Variants in ABCA3 observed in about 807,000 individuals in gnomAD.
The protein encoded by ABCA3 is ATP binding cassette subfamily A member 3, also known as phospholipid-transporting ATPase ABCA3.
A neutral mutation model predicts 172.8 loss-of-function variants in ABCA3; 88 were observed. The ratio of observed to expected loss-of-function variants is 0.51; its 90% CI spans 0.43 to 0.61. The LOEUF (loss-of-function observed/expected upper bound fraction) is 0.61. Ranked by LOEUF, ABCA3 falls within the 20% of genes least tolerant of loss-of-function variation. The pLI is 0.00. For missense variants in ABCA3, 2,164 were observed against 2,301.0 expected (o/e 0.94, Z 1.22); for synonymous variants, 1,066 against 983.8 (o/e 1.08, Z -1.56).
intron 32 of ABCA3, among the ~76,000 whole-genome samples, 162 bp from the exon 33 acceptor site, chr16:2,276,967 G>A (rs367818657): frequency 1.3e-5 from 2 of 152,186 alleles, no homozygotes; most frequent in African/African-American, 4.8e-5. Flanking sequence ...CGACGGCACC[G>A]TGCTCCCAGG....
chr16:2,331,285 A>G (rs538160317), intron 1 of ABCA3, among the ~76,000 whole-genome samples: 1 of 151,572 alleles, frequency 6.6e-6, no homozygotes, highest in Non-Finnish European at 1.5e-5. Context: ...GCTCACAACA[A>G]CCTCCACCTC....
Position 2,297,598 on chromosome 16 carries a change from G to C in ABCA3, c.2053-59C>G. On this transcript the variant is annotated intron_variant, in intron 16 of 32. Coordinates refer to ENST00000301732, the MANE Select transcript of ABCA3 (RefSeq NM_001089.3). The surrounding 1 kb of genome is among the most constrained non-coding windows in gnomAD (Gnocchi z 5.6). ...AGAGCCACACCCCGGGCCCAGGCTG[G>C]CCTTGCGGTAGGCCCCATCGAGGGG... 1.2e-6 allele frequency: 2 copies of C among 1,602,474 alleles called. No individual in the cohort carries two copies. Among genetic ancestry groups the C allele is most frequent in the Non-Finnish European group, 1.7e-6 (2 of 1,175,446 alleles).
rs45498101 is a variant in ABCA3 at position 2,328,757 on chromosome 16, G to C, written c.-331C>G. On this transcript the variant is annotated splice_region_variant and 5_prime_UTR_variant, in exon 3 of 33. Coordinates refer to ENST00000301732, the MANE Select transcript of ABCA3 (RefSeq NM_001089.3). The stretch of plus-strand genomic sequence containing the variant: ...TCAGTTGCTCAGCTCCACACTCATG[G>C]CTGATCCAAACCCAACATCATCCAT... The C allele has an allele frequency of 2.6e-3, 764 of 298,074 alleles. 5 individuals are homozygous for C. The highest frequency in any genetic ancestry group is 0.015 in the African/African-American group (717 of 46,290). The allele number at this position is 298,074 out of a possible 1,614,324, so 18.5% of individuals were successfully genotyped here. A position where few individuals can be genotyped will look rare whatever the true frequency, so the allele number is the denominator to read the frequency against.
chr16:2,340,132 G>A (rs1047489927), intron 1 of ABCA3, among the ~76,000 whole-genome samples: 2 of 152,244 alleles, frequency 1.3e-5, no homozygotes, highest in South Asian at 2.1e-4. Flanking sequence ...CATCCCTGCG[G>A]CCGGAAAGCG....
At chr16:2,276,919 C>T (rs2093647346) in intron 32 of ABCA3, 114 bp from the exon 33 acceptor site, 5 of 1,437,104 alleles carry the variant, frequency 3.5e-6, no homozygotes, top group East Asian at 4.7e-5. Context: ...CCTACCCCTG[C>T]CCAGCGCCAC....
At chr16:2,299,974 C>G in intron 13 of ABCA3, 31 bp downstream of exon 13, 2 of 1,610,750 alleles carry the variant, frequency 1.2e-6, no homozygotes, top group African/African-American at 2.7e-5. Flanking sequence ...CTGGCAGCCC[C>G]GGCCCTCCCT....
rs759911673 is a variant in ABCA3, at chr16:2,286,882, T to G, written c.3090A>C (p.Arg1030Ser). Residue 1030 changes from arginine (R) to serine (S), a missense_variant, in exon 22 of 33, where the codon AGA becomes AGC. Arg to Ser is a moderately radical substitution (Grantham distance 110, BLOSUM62 -1). Coordinates refer to ENST00000301732, the MANE Select transcript of ABCA3 (RefSeq NM_001089.3). The surrounding 1 kb of genome is among the most constrained non-coding windows in gnomAD (Gnocchi z 5.2). ...TGACGACCGTGCGCTCTCCCACATC[T>G]CTGAAGGACGCTGCCACAAGGCACC... ...NERCLVAASF[R>S]DVGERTVVNA... 5.0e-6 allele frequency: 8 copies of G among 1,613,920 alleles called. No homozygotes were observed. Among genetic ancestry groups the G allele is most frequent in the Non-Finnish European group, 6.8e-6 (8 of 1,179,988 alleles).
chr16:2,277,523 A>C lies in ABCA3; in HGVS notation c.4983+74T>G. On this transcript the variant is annotated intron_variant, in intron 32 of 32. Transcript: ENST00000301732. This position sits in a 1 kb window ranked among gnomAD's most constrained non-coding sequence, Gnocchi z 5.3. Reference sequence around the variant, plus strand: ...TCTGTGGAAAGAGCCTGCAGTCACCACAGAGGGAGAGACCCCTGGAGGGAC... The same window carrying C: ...TCTGTGGAAAGAGCCTGCAGTCACCCCAGAGGGAGAGACCCCTGGAGGGAC... The C allele has an allele frequency of 6.7e-7, 1 of 1,494,038 alleles. No individual in the cohort carries two copies. Among genetic ancestry groups the C allele is most frequent in the Non-Finnish European group, 9.3e-7 (1 of 1,080,080 alleles). 92.5% of individuals were successfully genotyped at this position (1,494,038 alleles called of 1,614,324 possible).
chr16:2,283,421 C>T lies in ABCA3; in HGVS notation c.3863-63G>A. The T allele has an allele frequency of 1.3e-6, 2 of 1,573,562 alleles. No individual in the cohort carries two copies. The highest frequency in any genetic ancestry group is 8.7e-7 in the Non-Finnish European group (1 of 1,153,374). ...GGCACCCTCCTCCCCTTCCAGGTTC[C>T]CGGCCCCCACTCCCCTCCCCAGGCT... On this transcript the variant is annotated intron_variant, in intron 25 of 32. Coordinates refer to ENST00000301732, the MANE Select transcript of ABCA3 (RefSeq NM_001089.3). The surrounding 1 kb of genome is among the most constrained non-coding windows in gnomAD (Gnocchi z 5.4).
Position 2,297,692 on chromosome 16 carries a change from C to A in ABCA3, c.2052+74G>T. 6.3e-7 allele frequency: 1 copy of A among 1,599,368 alleles called. No individual in the cohort carries two copies. The highest frequency in any genetic ancestry group is 2.2e-5 in the East Asian group (1 of 44,788). The stretch of plus-strand genomic sequence containing the variant: ...GTCTGGGGTGTCAAGGGCCAAGGTG[C>A]CCGGGCCATGGCGGAAGGGCCATCC... On this transcript the variant is annotated intron_variant, in intron 16 of 32. Transcript: ENST00000301732. The surrounding 1 kb of genome is among the most constrained non-coding windows in gnomAD (Gnocchi z 5.6).
Position 2,281,054 on chromosome 16 carries a change from AC to A in ABCA3, c.4331del (p.Gly1444ValfsTer28). On this transcript the variant is annotated frameshift_variant, in exon 28 of 33. Coordinates refer to ENST00000301732, the MANE Select transcript of ABCA3 (RefSeq NM_001089.3). LOFTEE classifies it high-confidence loss of function. This position sits in a 1 kb window ranked among gnomAD's most constrained non-coding sequence, Gnocchi z 4.7. ...TTCCGACATCAGAGCTGATTCTGTG[AC>A]CCCCGACAAAGGCATCCCCAGAAGT... ...SLTSGDAFVG[G>X]HRISSDVGKV... 6.2e-7 allele frequency: 1 copy of A among 1,613,200 alleles called. No homozygotes were observed. The highest frequency in any genetic ancestry group is 8.5e-7 in the Non-Finnish European group (1 of 1,179,842).
chr16:2,323,847 G>A (rs2093730029), intron 6 of ABCA3, among the ~76,000 whole-genome samples, 159 bp from the exon 7 acceptor site: 1 of 152,150 alleles, frequency 6.6e-6, no homozygotes, highest in African/African-American at 2.4e-5. Flanking sequence ...GTCACACTGA[G>A]TGGTCCCTGT....
At chr16:2,307,845 TCCA>T (rs1414232618) in intron 11 of ABCA3, among the ~76,000 whole-genome samples, 2 of 152,130 alleles carry the variant, frequency 1.3e-5, no homozygotes, top group African/African-American at 4.8e-5. Context: ...GACCTCGTGA[TCCA>T]CCGGCCTCAG....
At chr16:2,325,865 A>T in intron 5 of ABCA3, 145 bp downstream of exon 5, 1 of 1,097,676 alleles carries the variant, frequency 9.1e-7, no homozygotes, top group Non-Finnish European at 1.3e-6. Flanking sequence ...AGGTTGAAGT[A>T]GTGATGCGGG....
Position 2,292,148 on chromosome 16 carries a change from G to A in ABCA3, c.2505C>T (p.Val835=). The part of the protein sequence containing the change: ...FGASITTMEE[V]FLRVGKLVDS... ...AATGCGCATTTACTGACCGAAGGAAGACTTCCTCCATGGTGGTGATGGATG... is the reference window on the plus strand; with the variant it reads ...AATGCGCATTTACTGACCGAAGGAAAACTTCCTCCATGGTGGTGATGGATG... The change falls in exon 19 of 33, where the codon GTC becomes GTT. Residue 835 remains valine, a synonymous_variant. Transcript: ENST00000301732. 6.2e-7 allele frequency: 1 copy of A among 1,613,150 alleles called. No homozygotes were observed. The highest frequency in any genetic ancestry group is 8.5e-7 in the Non-Finnish European group (1 of 1,179,248).
chr16:2,279,068 C>T lies in ABCA3; in HGVS notation c.4422G>A (p.Arg1474=). 6 of 1,613,202 alleles carry T rather than the reference C, an allele frequency of 3.7e-6. No homozygotes were observed. The highest frequency in any genetic ancestry group is 5.1e-6 in the Non-Finnish European group (6 of 1,180,044). Residue 1474 remains arginine, a synonymous_variant, in exon 29 of 33, where the codon CGG becomes CGA. Coordinates refer to ENST00000301732, the MANE Select transcript of ABCA3 (RefSeq NM_001089.3). This position sits in a 1 kb window ranked among gnomAD's most constrained non-coding sequence, Gnocchi z 4.4. ...GCCGAGCGTACATGACCAGCATCTC[C>T]CGGCCTGTCATGTGGTCCAGCAAGG... ...FDALLDHMTG[R]EMLVMYARLR...
chr16:2,296,929 T>C (rs911424715), intron 17 of ABCA3, among the ~76,000 whole-genome samples: 2 of 152,158 alleles, frequency 1.3e-5, no homozygotes, highest in African/African-American at 4.8e-5. Flanking sequence ...AGGGAAGCCG[T>C]AGTTGCACAG....
At chr16:2,296,562 C>CT (rs1477575584) in intron 17 of ABCA3, among the ~76,000 whole-genome samples, 4 of 152,224 alleles carry the variant, frequency 2.6e-5, no homozygotes, top group Admixed American at 2.6e-4. Context: ...GACAAGGATG[C>CT]CAGGCCCAGG....
chr16:2,310,144 G>A (rs1284816600), intron 10 of ABCA3, among the ~76,000 whole-genome samples: 1 of 152,010 alleles, frequency 6.6e-6, no homozygotes, highest in Non-Finnish European at 1.5e-5. Flanking sequence ...GGTGGCTCAT[G>A]CCTGTAATCC....
Sources: allele counts gnomAD v4.1 joint callset (sites outside exome capture counted in the v4.1 genomes callset), GRCh38; gene constraint gnomAD v4.1.1; non-coding constraint Gnocchi (gnomAD v3.1); transcripts MANE v1.5; gene names NCBI Gene and HGNC (gene_info 2026-07-23, HGNC 2026-07-21).